Variants in COL21A1 observed in about 807,000 individuals in gnomAD.
The protein encoded by COL21A1 is collagen alpha-1(XXI) chain.
A neutral mutation model predicts 137.9 loss-of-function variants in COL21A1; 149 were observed. That is an observed-to-expected ratio of 1.08 (90% CI 0.95 to 1.24). The LOEUF (loss-of-function observed/expected upper bound fraction) is 1.24. Ranked by LOEUF, COL21A1 falls within the 50% of genes most tolerant of loss-of-function variation. COL21A1 has a pLI of 0.00. For synonymous variants in COL21A1, 456 were observed against 391.5 expected, an observed-to-expected ratio of 1.16 and a Z score of -1.95; for missense variants, 1,167 against 1,158.4, an observed-to-expected ratio of 1.01 and a Z score of -0.11.
At chr6:56,233,952 T>TTAAC (rs1421069500) in intron 1 of COL21A1, among the ~76,000 whole-genome samples, 1 of 151,840 alleles carries the variant, frequency 6.6e-6, no homozygotes, top group African/African-American at 2.4e-5. Flanking sequence ...TATGTTTTAG[T>TTAAC]TAATACGTAG....
At chr6:56,371,713 G>C (rs2093988913) in intron 1 of COL21A1, among the ~76,000 whole-genome samples, 1 of 152,196 alleles carries the variant, frequency 6.6e-6, no homozygotes, top group Non-Finnish European at 1.5e-5. Flanking sequence ...AGGAGTGTCT[G>C]AGCCATTCAG....
chr6:56,305,516 T>C (rs1050435371), intron 1 of COL21A1, among the ~76,000 whole-genome samples: 4 of 152,214 alleles, frequency 2.6e-5, no homozygotes, highest in African/African-American at 9.6e-5. Flanking sequence ...TTGATCTTTG[T>C]TGGTTTAAAG....
At position 56,283,965 on chromosome 6, in the gene COL21A1, C is replaced by A. The variant is rs576148586; in HGVS notation, c.-38-101309G>T. 3.9e-5 allele frequency among the ~76,000 whole-genome samples: 6 copies of A among 151,982 alleles called. No homozygotes were observed. In the South Asian group the frequency reaches 8.3e-4, roughly 21 times the overall value. On this transcript the variant is annotated intron_variant, in intron 1 of 28. Transcript: ENST00000370819. ...GAGTGGCCGACCTGGGGCAAGCCAA[C>A]CAATTACTTGGGGTGAGGTGATTTC...
At chr6:56,313,463 G>A (rs1483711170) in intron 1 of COL21A1, among the ~76,000 whole-genome samples, 1 of 152,146 alleles carries the variant, frequency 6.6e-6, no homozygotes, top group Admixed American at 6.5e-5. Context: ...CAGGGTGCCA[G>A]CATGGTTGGG....
intron 17 of COL21A1, among the ~76,000 whole-genome samples, chr6:56,094,914 T>C (rs1410423314): frequency 6.6e-6 from 1 of 152,090 alleles, no homozygotes; most frequent in Non-Finnish European, 1.5e-5. Context: ...TCCCAGATAA[T>C]CTCCCCATCA....
At position 56,199,988 on chromosome 6, in the gene COL21A1, G is replaced by A. The variant is rs370421440; in HGVS notation, c.-38-17332C>T. ...TGTATCACTTGAGGCCAGGAGGAGA[G>A]GAAGGGCTCTGTTAGATTTGGAGGT... On this transcript the variant is annotated intron_variant, in intron 1 of 29. Coordinates refer to ENST00000244728, the MANE Select transcript of COL21A1 (RefSeq NM_030820.4). 1.6e-4 allele frequency among the ~76,000 whole-genome samples: 24 copies of A among 152,294 alleles called. 2 individuals are homozygous for A. The highest frequency in any genetic ancestry group is 5.5e-4 in the African/African-American group (23 of 41,574).
intron 1 of COL21A1, among the ~76,000 whole-genome samples, chr6:56,238,273 C>A (rs1735403004): frequency 6.6e-6 from 1 of 151,874 alleles, no homozygotes; most frequent in Non-Finnish European, 1.5e-5. Flanking sequence ...AGGGCTGCAT[C>A]CCTAGCACCT....
At chr6:56,200,040 C>T (rs1005002703) in intron 1 of COL21A1, among the ~76,000 whole-genome samples, 1 of 152,110 alleles carries the variant, frequency 6.6e-6, no homozygotes, top group Non-Finnish European at 1.5e-5. Flanking sequence ...AAAAAGGTAA[C>T]ACTTGAGCTG....
intron 1 of COL21A1, among the ~76,000 whole-genome samples, chr6:56,223,467 A>G (rs1019724328): frequency 9.2e-5 from 14 of 152,228 alleles, no homozygotes; most frequent in South Asian, 6.2e-4. Context: ...TAAAAACTAT[A>G]TTAAATTCCT....
chr6:56,344,718 G>A (rs1765551800), intron 1 of COL21A1, among the ~76,000 whole-genome samples: 1 of 149,648 alleles, frequency 6.7e-6, no homozygotes, highest in Non-Finnish European at 1.5e-5. Flanking sequence ...CATGGGGGCA[G>A]ATTTCCCCCT....
intron 1 of COL21A1, among the ~76,000 whole-genome samples, chr6:56,342,284 A>G (rs985839344): frequency 2.6e-5 from 4 of 152,234 alleles, no homozygotes; most frequent in African/African-American, 9.6e-5. Context: ...CATGGTTTCT[A>G]TTACAAAAAC....
intron 1 of COL21A1, among the ~76,000 whole-genome samples, chr6:56,364,249 A>G (rs1334745315): frequency 3.3e-5 from 5 of 152,022 alleles, no homozygotes; most frequent in Middle Eastern, 3.2e-3. Flanking sequence ...ATCCTGGCAG[A>G]AGTAGCAGTG....
At chr6:56,354,460 A>C (rs1227156015) in intron 1 of COL21A1, among the ~76,000 whole-genome samples, 3 of 151,900 alleles carry the variant, frequency 2.0e-5, no homozygotes, top group African/African-American at 7.2e-5. Context: ...CCATTTTAGA[A>C]ATAAAATCAT....
At chr6:56,081,247 C>CT (rs922943405) in intron 17 of COL21A1, among the ~76,000 whole-genome samples, 147 of 146,280 alleles carry the variant, frequency 1.0e-3, no homozygotes, top group East Asian at 3.6e-3. Context: ...TTTCTTTTTT[C>CT]TTTTTTTTTT....
Position 56,185,007 on chromosome 6 carries a change from A to G in COL21A1, c.-38-2351T>C, listed in dbSNP as rs577323855. On this transcript the variant is annotated intron_variant, in intron 1 of 29. Coordinates refer to ENST00000244728, the MANE Select transcript of COL21A1 (RefSeq NM_030820.4). Reference sequence around the variant, plus strand: ...TAATCCATGAGTTTTAAAAAGTCAAAGGAAAAGTTTTTAAATATTTCAAAC... The same window carrying G: ...TAATCCATGAGTTTTAAAAAGTCAAGGGAAAAGTTTTTAAATATTTCAAAC... Among the ~76,000 whole-genome samples, 5 of 152,276 alleles carry G rather than the reference A, an allele frequency of 3.3e-5. No individual in the cohort carries two copies. In the South Asian group the frequency reaches 8.3e-4, roughly 25 times the overall value.
intron 1 of COL21A1, among the ~76,000 whole-genome samples, chr6:56,296,495 G>A (rs1282789483): frequency 6.6e-6 from 1 of 151,888 alleles, no homozygotes; most frequent in Non-Finnish European, 1.5e-5. Context: ...TACGTTTAAA[G>A]TATTACGTTC....
chr6:56,248,134 C>T (rs1782749608), upstream of COL21A1, among the ~76,000 whole-genome samples: 1 of 152,232 alleles, frequency 6.6e-6, no homozygotes, highest in Non-Finnish European at 1.5e-5. Flanking sequence ...GATAAAGATG[C>T]TGTCTGCTCT....
intron 17 of COL21A1, among the ~76,000 whole-genome samples, chr6:56,083,003 T>C (rs1184006696): frequency 2.1e-5 from 3 of 145,302 alleles, no homozygotes; most frequent in Non-Finnish European, 4.5e-5. Flanking sequence ...TTGACAAGCA[T>C]TGATTAAAGT....
intron 1 of COL21A1, among the ~76,000 whole-genome samples, chr6:56,390,553 C>T (rs980630552): frequency 1.4e-5 from 2 of 147,936 alleles, no homozygotes; most frequent in Non-Finnish European, 3.0e-5. Flanking sequence ...CTATATGCTG[C>T]CTACAAGAAA....
Sources: allele counts gnomAD v4.1 joint callset (sites outside exome capture counted in the v4.1 genomes callset), GRCh38; gene constraint gnomAD v4.1.1; transcripts MANE v1.5; gene names NCBI Gene and HGNC (gene_info 2026-07-23, HGNC 2026-07-21).